RTN4RL1: variants seen among roughly 807,000 people sequenced by gnomAD.
RTN4RL1 encodes the protein reticulon 4 receptor like 1, also known as reticulon-4 receptor-like 1.
Under a neutral mutation model 25.6 loss-of-function variants are expected in RTN4RL1, and 7 were observed. That is an observed-to-expected ratio of 0.27 (90% CI 0.16 to 0.51). The LOEUF (loss-of-function observed/expected upper bound fraction) is 0.51, where lower values mean the gene tolerates loss of function less well. RTN4RL1 is among the 20% of genes least tolerant of loss of function. The probability of loss-of-function intolerance (pLI) is 0.97; values close to 1 mark genes in which losing one functional copy is unlikely to be tolerated. For synonymous variants in RTN4RL1, 297 were observed against 288.2 expected (o/e 1.03, Z -0.31); for missense variants, 500 against 615.6 (o/e 0.81, Z 1.99).
At chr17:1,943,933 A>AT (rs5818843) in intron 1 of RTN4RL1, among the ~76,000 whole-genome samples, 62,721 of 149,564 alleles carry the variant, frequency 0.42, 13,941 homozygotes, top group Middle Eastern at 0.55. Flanking sequence ...TTTGAATCCT[A>AT]TTTTTTTTTT....
intron 1 of RTN4RL1, among the ~76,000 whole-genome samples, chr17:1,981,032 C>G (rs1016056510): frequency 6.6e-6 from 1 of 151,818 alleles, no homozygotes; most frequent in Non-Finnish European, 1.5e-5. Context: ...GCAGGAGGCA[C>G]TGATGGGGTA....
intron 1 of RTN4RL1, among the ~76,000 whole-genome samples, chr17:1,967,909 G>A (rs1272960827): frequency 6.6e-6 from 1 of 152,158 alleles, no homozygotes; most frequent in Admixed American, 6.5e-5. Context: ...CCAAAGTGCT[G>A]GGATTACAGG....
At chr17:1,944,914 T>A (rs1301724907) in intron 1 of RTN4RL1, among the ~76,000 whole-genome samples, 1 of 152,142 alleles carries the variant, frequency 6.6e-6, no homozygotes, top group Non-Finnish European at 1.5e-5. Context: ...GGCAGGGAGA[T>A]CCAGCACCCC....
At chr17:2,020,273 C>G (rs1040585456) in intron 1 of RTN4RL1, 3 of 152,332 alleles carry the variant, frequency 2.0e-5, no homozygotes, top group Non-Finnish European at 4.4e-5. Flanking sequence ...TCCTCTGCAG[C>G]AGAAAAGAGT....
Position 1,936,823 on chromosome 17 carries a change from G to A in RTN4RL1, c.999C>T (p.His333=), listed in dbSNP as rs201604881. 78 of 1,582,138 alleles carry A rather than the reference G, an allele frequency of 4.9e-5. No individual in the cohort carries two copies. The African/African-American group carries it at 8.0e-4, about 16-fold the overall frequency. ...GGTGGCCCTTGCTCCTGGTGGGGCC[G>A]TGGGGTGAGTGGTGTTCCTTGCGGG... ...RAARKEHHSP[H]GPTRSKGHPH... is the part of the protein sequence containing the mutation. The change falls in exon 2 of 2, where the codon CAC becomes CAT. Residue 333 remains histidine, a synonymous_variant. Coordinates refer to ENST00000331238, the MANE Select transcript of RTN4RL1 (RefSeq NM_178568.4).
At chr17:2,022,324 T>A (rs926552257) in intron 1 of RTN4RL1, among the ~76,000 whole-genome samples, 22 of 151,418 alleles carry the variant, frequency 1.5e-4, no homozygotes, top group Middle Eastern at 3.2e-3. Flanking sequence ...TCAAAAAAAA[T>A]TTTTTTTTGT....
intron 1 of RTN4RL1, among the ~76,000 whole-genome samples, chr17:2,011,739 C>A (rs1349300183): frequency 6.6e-6 from 1 of 152,150 alleles, no homozygotes; most frequent in African/African-American, 2.4e-5. Context: ...AGCAGAAATA[C>A]CAGCCCATCA....
rs575893698 is a variant in RTN4RL1, at chr17:1,968,120, C to T, written c.14-30312G>A. Among the ~76,000 whole-genome samples the T allele has an allele frequency of 1.2e-4, 18 of 152,304 alleles. No individual in the cohort carries two copies. In the Middle Eastern group the frequency reaches 0.01, roughly 86 times the overall value. ...CCACAGCCCGTGGGAGCCACCGTGACCTGTGCATATACTGGTGGCTCCAGA... is the reference window on the plus strand; with the variant it reads ...CCACAGCCCGTGGGAGCCACCGTGATCTGTGCATATACTGGTGGCTCCAGA... On this transcript the variant is annotated intron_variant, in intron 1 of 1. Transcript: ENST00000331238.
chr17:1,983,856 G>C (rs571826039), intron 1 of RTN4RL1, among the ~76,000 whole-genome samples: 2 of 152,076 alleles, frequency 1.3e-5, no homozygotes, highest in East Asian at 1.9e-4. Context: ...ACCTAACTCC[G>C]TACTCATGAC....
intron 1 of RTN4RL1, among the ~76,000 whole-genome samples, chr17:1,961,204 G>A (rs1227730735): frequency 6.6e-6 from 1 of 152,208 alleles, no homozygotes; most frequent in Non-Finnish European, 1.5e-5. Flanking sequence ...AAACAGCCAA[G>A]GAAGGAAGAA....
intron 1 of RTN4RL1, among the ~76,000 whole-genome samples, chr17:1,967,359 GC>G (rs1432144861): frequency 1.3e-5 from 2 of 152,048 alleles, no homozygotes; most frequent in Admixed American, 6.6e-5. Context: ...GGTCTAGATG[GC>G]CCCCTCAGCA....
intron 1 of RTN4RL1, among the ~76,000 whole-genome samples, chr17:1,941,057 A>C (rs1258025014): frequency 6.6e-6 from 1 of 152,012 alleles, no homozygotes; most frequent in Admixed American, 6.5e-5. Context: ...GGAGTTTACA[A>C]AGTGCTTCTG....
chr17:2,011,027 G>A (rs1306723916), intron 1 of RTN4RL1, among the ~76,000 whole-genome samples: 5 of 152,128 alleles, frequency 3.3e-5, no homozygotes, highest in South Asian at 4.1e-4. Context: ...CAAGGCAGGC[G>A]GATCACCTGA....
chr17:1,938,397 G>A (rs1915359943), intron 1 of RTN4RL1, among the ~76,000 whole-genome samples: 1 of 151,954 alleles, frequency 6.6e-6, no homozygotes, highest in Non-Finnish European at 1.5e-5. Context: ...CCGCCTCCGG[G>A]GTTCAAGTGA....
chr17:1,995,426 CAAAAA>C (rs1036512075), intron 1 of RTN4RL1, among the ~76,000 whole-genome samples: 1 of 63,270 alleles, frequency 1.6e-5, no homozygotes. Context: ...AACTCTGTCT[CAAAAA>C]AAAAAAAAAA....
chr17:2,002,828 C>T (rs73976172), intron 1 of RTN4RL1, among the ~76,000 whole-genome samples: 5,085 of 152,242 alleles, frequency 0.033, 267 homozygotes, highest in African/African-American at 0.11. Flanking sequence ...GTCCTCCATA[C>T]CCCGGCTACC....
chr17:1,944,040 C>A (rs1009904020), intron 1 of RTN4RL1, among the ~76,000 whole-genome samples: 2 of 152,152 alleles, frequency 1.3e-5, no homozygotes, highest in Admixed American at 6.5e-5. Context: ...ATCCTCCCAC[C>A]TCAGCCTCCC....
At chr17:2,016,226 CA>C (rs1358387295) in intron 1 of RTN4RL1, among the ~76,000 whole-genome samples, 1 of 152,016 alleles carries the variant, frequency 6.6e-6, no homozygotes, top group African/African-American at 2.4e-5. Context: ...ACTAAAAATA[CA>C]AAAATTAGCC....
At position 1,936,704 on chromosome 17, in the gene RTN4RL1, T is replaced by C. The variant is rs1349122455; in HGVS notation, c.1118A>G (p.Gln373Arg). 1.9e-6 allele frequency: 3 copies of C among 1,582,620 alleles called. No individual in the cohort carries two copies. In the Admixed American group the frequency reaches 5.6e-5, roughly 29 times the overall value. The part of the protein sequence containing the change: ...NQISKAGAGK[Q>R]APELPDYAPD... Reference sequence around the variant, plus strand: ...GGCATAGTCTGGCAGCTCGGGGGCCTGTTTCCCGGCGCCCGCCTTAGAGAT... The same window carrying C: ...GGCATAGTCTGGCAGCTCGGGGGCCCGTTTCCCGGCGCCCGCCTTAGAGAT... Residue 373 changes from glutamine (Q) to arginine (R), a missense_variant, in exon 2 of 2, where the codon CAG becomes CGG. Physicochemically the swap from Gln to Arg is conservative, Grantham distance 43 (BLOSUM62 1). This residue lies in a region of RTN4RL1 where 268 missense variants were observed against 274.5 expected (regional missense o/e 0.98). Transcript: ENST00000331238.
Sources: gnomAD v4.1 joint callset for allele counts (sites outside exome capture counted in the v4.1 genomes callset) on GRCh38, gnomAD v4.1.1 for gene constraint, gnomAD v4.1.1 regional missense constraint, MANE v1.5 for transcripts, NCBI Gene and HGNC (gene_info 2026-07-23, HGNC 2026-07-21) for gene names.